Variants in PTPRB observed in about 807,000 individuals in gnomAD.
PTPRB encodes the protein protein tyrosine phosphatase receptor type B.
PTPRB carries 97 observed loss-of-function variants against 238.1 expected under a neutral mutation model. The observed-to-expected ratio is 0.41, with a 90% CI of 0.35 to 0.48. The LOEUF (loss-of-function observed/expected upper bound fraction) is 0.48. Among genes scored for constraint, PTPRB ranks in the 20% least tolerant of loss-of-function variants. The pLI is 0.30. For synonymous variants in PTPRB, 970 were observed against 995.4 expected (o/e 0.97, Z 0.48); for missense variants, 2,292 against 2,681.9 (o/e 0.85, Z 3.21).
At position 70,627,610 on chromosome 12, in the gene PTPRB, C is replaced by T. The variant is rs186318585; in HGVS notation, c.452-4964G>A. Among the ~76,000 whole-genome samples the T allele has an allele frequency of 9.5e-4, 144 of 151,720 alleles. 2 individuals are homozygous for T. The highest frequency in any genetic ancestry group is 1.3e-3 in the Non-Finnish European group (85 of 67,910). ...AAGTCATACATAGCCCTGTGTGTGCCCTGATAAGTTCAGTGACATGTCACA... is the reference window on the plus strand; with the variant it reads ...AAGTCATACATAGCCCTGTGTGTGCTCTGATAAGTTCAGTGACATGTCACA... On this transcript the variant is annotated intron_variant, in intron 2 of 33. Transcript: ENST00000334414.
intron 15 of PTPRB, among the ~76,000 whole-genome samples, chr12:70,566,169 C>T (rs186809946): frequency 6.6e-6 from 1 of 152,192 alleles, no homozygotes; most frequent in Admixed American, 6.5e-5. Context: ...GGTATTAAGC[C>T]ACTAAGATTG....
chr12:70,633,605 T>C (rs1254062168), intron 2 of PTPRB, among the ~76,000 whole-genome samples: 1 of 152,214 alleles, frequency 6.6e-6, no homozygotes, highest in African/African-American at 2.4e-5. Flanking sequence ...TGTACCACAA[T>C]TGTGCAAATT....
rs754640233 is a variant in PTPRB, at chr12:70,635,791, G to A, written c.331C>T (p.Leu111Phe). 6.2e-7 allele frequency: 1 copy of A among 1,613,718 alleles called. No individual in the cohort carries two copies. The highest frequency in any genetic ancestry group is 1.3e-5 in the African/African-American group (1 of 75,028). The change falls in exon 2 of 34, where the codon CTC becomes TTC. Residue 111 changes from leucine to phenylalanine, a missense_variant. Coordinates refer to ENST00000334414, the MANE Select transcript of PTPRB (RefSeq NM_001109754.4). ...ACTACTCTGGAGCCTTGTTTCTGGA[G>A]AAAGAGAGAGGCATTTTCCACCTCA... ...FLEVENASLF[L>F]QKQGSRVVVK...
chr12:70,543,086 C>T (rs1875430196), intron 22 of PTPRB: 1 of 152,098 alleles, frequency 6.6e-6, no homozygotes, highest in Non-Finnish European at 1.5e-5. Context: ...TCCTTTGAAG[C>T]ACAAGTTTTT....
intron 3 of PTPRB, among the ~76,000 whole-genome samples, chr12:70,617,461 T>C (rs949543773): frequency 2.6e-5 from 4 of 152,204 alleles, no homozygotes; most frequent in South Asian, 2.1e-4. Context: ...GGAGTCGAGA[T>C]GAAGGATCAG....
Position 70,592,492 on chromosome 12 carries a change from G to T in PTPRB, c.1570C>A (p.Leu524Ile). Residue 524 changes from leucine to isoleucine, a missense_variant, in exon 7 of 34, where the codon CTA becomes ATA. Leu to Ile is a conservative substitution (Grantham distance 5). Transcript: ENST00000334414. ...GGAGGTCTTTGCCATTTGACTTTTA[G>T]AGAGGTCAAACTGCCATCATTTGTC... ...KVTNDGSLTS[L>I]KVKWQRPPGN... 1 of 1,613,762 alleles carries T rather than the reference G, an allele frequency of 6.2e-7. No homozygotes were observed. Among genetic ancestry groups the T allele is most frequent in the Non-Finnish European group, 8.5e-7 (1 of 1,179,728 alleles).
chr12:70,586,506 C>T (rs1482587753), intron 9 of PTPRB, among the ~76,000 whole-genome samples: 3 of 152,072 alleles, frequency 2.0e-5, no homozygotes, highest in Admixed American at 2.0e-4. Context: ...GATTAGATTC[C>T]CCATGCTCCT....
intron 15 of PTPRB, among the ~76,000 whole-genome samples, chr12:70,564,865 A>C (rs1879057238): frequency 1.9e-5 from 2 of 107,976 alleles, no homozygotes; most frequent in Admixed American, 9.7e-5. Flanking sequence ...TAATAATAAT[A>C]ATAATAATAA....
At chr12:70,594,949 C>A (rs760431492) in intron 5 of PTPRB, among the ~76,000 whole-genome samples, 2 of 152,102 alleles carry the variant, frequency 1.3e-5, no homozygotes, top group Non-Finnish European at 2.9e-5. Flanking sequence ...TGTCTGCCTC[C>A]CCCACTTAAT....
chr12:70,551,487 G>A (rs1277634020), intron 21 of PTPRB, among the ~76,000 whole-genome samples: 1 of 152,106 alleles, frequency 6.6e-6, no homozygotes, highest in Admixed American at 6.5e-5. Flanking sequence ...TGTGAGGGAG[G>A]GGCTAAGAAC....
Position 70,594,556 on chromosome 12 carries a change from T to C in PTPRB, c.1427A>G (p.His476Arg), listed in dbSNP as rs750146083. ...VDKHATSYAFHGLTPGYLYNL... is the reference protein window; with the variant it reads ...VDKHATSYAFRGLTPGYLYNL... ...GTAGAGGTAGCCAGGGGTCAGCCCG[T>C]GAAAAGCATAGGAAGTAGCATGTTT... Residue 476 changes from histidine (H) to arginine (R), a missense_variant, in exon 6 of 34, where the codon CAC becomes CGC. Physicochemically the swap from His to Arg is conservative, Grantham distance 29. Transcript: ENST00000334414. 1.9e-6 allele frequency: 3 copies of C among 1,613,972 alleles called. No individual in the cohort carries two copies. In the East Asian group the frequency reaches 6.7e-5, roughly 36 times the overall value.
intron 33 of PTPRB, among the ~76,000 whole-genome samples, chr12:70,521,871 C>T (rs1003391029): frequency 2.0e-5 from 3 of 152,132 alleles, no homozygotes; most frequent in Non-Finnish European, 4.4e-5. Flanking sequence ...CCATAGTTAG[C>T]TTCTTTCAGG....
chr12:70,626,661 A>G (rs1039287913), intron 2 of PTPRB, among the ~76,000 whole-genome samples: 2 of 152,060 alleles, frequency 1.3e-5, no homozygotes, highest in Admixed American at 1.3e-4. Flanking sequence ...TGTAGGTTAT[A>G]TGTAAACACT....
rs367832527 is a variant in PTPRB, at chr12:70,622,392, C to T, written c.706G>A (p.Glu236Lys). ...CTCCACACACCCCCTCCTTTTACCT[C>T]TTCAGTGGTGCTGGAGAAGGGCTGA... ...TTQPFSSTTE[E>K]TGLAEPERCN... The change falls in exon 3 of 34, where the codon GAG (glutamate) becomes AAG (lysine). Residue 236 changes from glutamate to lysine, a missense_variant and splice_region_variant. This residue lies in a region of PTPRB where 1,205 missense variants were observed against 1,287.8 expected (regional missense o/e 0.94). Coordinates refer to ENST00000334414, the MANE Select transcript of PTPRB (RefSeq NM_001109754.4). 1.2e-6 allele frequency: 2 copies of T among 1,611,600 alleles called. No homozygotes were observed. Among genetic ancestry groups the T allele is most frequent in the African/African-American group, 1.3e-5 (1 of 74,830 alleles).
intron 27 of PTPRB, 138 bp from the exon 28 acceptor site, chr12:70,538,369 C>T: frequency 1.5e-6 from 1 of 677,492 alleles, no homozygotes; most frequent in Non-Finnish European, 2.4e-6. Flanking sequence ...AGATGAGGCT[C>T]AGGCAGGATA....
At chr12:70,601,776 TTTTTTTC>T (rs1228384323) in intron 4 of PTPRB, among the ~76,000 whole-genome samples, 23 of 148,960 alleles carry the variant, frequency 1.5e-4, no homozygotes, top group South Asian at 4.3e-4. Flanking sequence ...AGGTAATTTC[TTTTTTTC>T]TTTTTTCTTT....
intron 2 of PTPRB, among the ~76,000 whole-genome samples, chr12:70,634,456 TTTTTA>T (rs1885593616): frequency 6.6e-6 from 1 of 152,188 alleles, no homozygotes; most frequent in Non-Finnish European, 1.5e-5. Flanking sequence ...TTTTTTTAAA[TTTTTA>T]TTTTTAGTTT....
chr12:70,521,592 T>C, intron 33 of PTPRB, 81 bp from the exon 34 acceptor site: 5 of 1,257,820 alleles, frequency 4.0e-6, no homozygotes, highest in Non-Finnish European at 5.4e-6. Flanking sequence ...ATTACCAATG[T>C]GAAAGACCAG....
chr12:70,529,756 G>A (rs1041562987), intron 32 of PTPRB, among the ~76,000 whole-genome samples: 1 of 152,142 alleles, frequency 6.6e-6, no homozygotes, highest in Non-Finnish European at 1.5e-5. Context: ...TAAGTGAAGG[G>A]TTGATGGGGA....
Sources: gnomAD v4.1 joint callset for allele counts (sites outside exome capture counted in the v4.1 genomes callset) on GRCh38, gnomAD v4.1.1 for gene constraint, gnomAD v4.1.1 regional missense constraint, MANE v1.5 for transcripts, NCBI Gene and HGNC (gene_info 2026-07-23, HGNC 2026-07-21) for gene names.